Variants in SMURF2 observed in about 807,000 individuals in gnomAD.
The protein encoded by SMURF2 is E3 ubiquitin-protein ligase SMURF2.
A neutral mutation model predicts 109.6 loss-of-function variants in SMURF2; 48 were observed. The observed-to-expected ratio is 0.44, with a 90% CI of 0.35 to 0.56. The LOEUF (loss-of-function observed/expected upper bound fraction) is 0.56, where lower values mean the gene tolerates loss of function less well. Among genes scored for constraint, SMURF2 ranks in the 20% least tolerant of loss-of-function variants. The pLI, the probability that SMURF2 is intolerant of heterozygous loss-of-function variation, is 0.01. For synonymous variants in SMURF2, 288 were observed against 317.1 expected (o/e 0.91, Z 0.97); for missense variants, 575 against 909.0 (o/e 0.63, Z 4.72).
chr17:64,602,650 C>T (rs1383873296), intron 2 of SMURF2, among the ~76,000 whole-genome samples: 1 of 152,168 alleles, frequency 6.6e-6, no homozygotes, highest in African/African-American at 2.4e-5. Flanking sequence ...ATTTCTCAGC[C>T]AGGCACAGTG....
At chr17:64,646,912 T>G (rs1598314611) in intron 1 of SMURF2, among the ~76,000 whole-genome samples, 1 of 152,182 alleles carries the variant, frequency 6.6e-6, no homozygotes, top group Non-Finnish European at 1.5e-5. Flanking sequence ...AAGTGGAAGG[T>G]AGAAAATATG....
Position 64,651,198 on chromosome 17 carries a change from A to AAT in SMURF2, c.52+10629_52+10630dup, listed in dbSNP as rs570098301. 2.7e-5 allele frequency among the ~76,000 whole-genome samples: 4 copies of AAT among 145,998 alleles called. No individual in the cohort carries two copies. The East Asian group carries it at 8.3e-4, about 30-fold the overall frequency. On this transcript the variant is annotated intron_variant, in intron 1 of 18. Transcript: ENST00000262435. ...GGCGACATAGCAAGGCTGTCTCAGA[A>AAT]ATATATATATTTTTGTGTATATATA...
Position 64,562,851 on chromosome 17 carries a change from T to C in SMURF2, c.1132A>G (p.Ile378Val). Residue 378 changes from isoleucine (I) to valine (V), a missense_variant, in exon 11 of 19, where the codon ATT becomes GTT. Transcript: ENST00000262435. Reference sequence around the variant, plus strand: ...TGTTGGGAAAGTTCTTGCCGCAAAATTTTTAGTTTCTGAACCAGGTCTCGC... The same window carrying C: ...TGTTGGGAAAGTTCTTGCCGCAAAACTTTTAGTTTCTGAACCAGGTCTCGC... ...YKRDLVQKLKILRQELSQQQP... is the reference protein window; with the variant it reads ...YKRDLVQKLKVLRQELSQQQP... The C allele has an allele frequency of 6.2e-7, 1 of 1,614,128 alleles. No homozygotes were observed. Among genetic ancestry groups the C allele is most frequent in the East Asian group, 2.2e-5 (1 of 44,886 alleles).
intron 1 of SMURF2, among the ~76,000 whole-genome samples, chr17:64,636,133 T>C (rs1970413090): frequency 6.6e-6 from 1 of 152,188 alleles, no homozygotes; most frequent in African/African-American, 2.4e-5. Flanking sequence ...GAACTGTCTA[T>C]TCAAACCCTT....
rs1968916208 is a variant in SMURF2, at chr17:64,544,427, C to T, written c.*1421G>A. The T allele has an allele frequency of 7.0e-6, 1 of 141,894 alleles. No homozygotes were observed. Among genetic ancestry groups the T allele is most frequent in the African/African-American group, 3.1e-5 (1 of 32,122 alleles). The allele number at this position is 141,894 out of a possible 1,614,324, so 8.8% of individuals were successfully genotyped here. On this transcript the variant is annotated 3_prime_UTR_variant, in exon 19 of 19. Transcript: ENST00000262435. ...GCAGCTTAATTATCATGAAAATTTG[C>T]TTATTTCACATCAATGTAAAAAAAA...
rs1337240145 is a variant in SMURF2 at position 64,662,114 on chromosome 17, G to C, written c.-234C>G. 2 of 1,049,366 alleles carry C rather than the reference G, an allele frequency of 1.9e-6. No individual in the cohort carries two copies. The highest frequency in any genetic ancestry group is 1.7e-5 in the African/African-American group (1 of 58,124). 65.0% of individuals were successfully genotyped at this position (1,049,366 alleles called of 1,614,324 possible). A position where few individuals can be genotyped will look rare whatever the true frequency, so the allele number is the denominator to read the frequency against. On this transcript the variant is annotated 5_prime_UTR_variant, in exon 1 of 19. Transcript: ENST00000262435. ...CTCGGCCCGGGCCGCACAACAAAGC[G>C]GCAGCCGCGGCCGCCCGCGCCGCCT...
At chr17:64,623,926 G>T (rs1328889951) in intron 1 of SMURF2, among the ~76,000 whole-genome samples, 2 of 152,150 alleles carry the variant, frequency 1.3e-5, no homozygotes, top group African/African-American at 4.8e-5. Context: ...AAGTTGTCTT[G>T]TCTATACATA....
intron 1 of SMURF2, among the ~76,000 whole-genome samples, chr17:64,639,946 T>C (rs1970472747): frequency 6.6e-6 from 1 of 152,208 alleles, no homozygotes; most frequent in South Asian, 2.1e-4. Flanking sequence ...TTTTAGTTAA[T>C]AAAAGTGTAC....
chr17:64,649,572 T>TG (rs1970608114), intron 1 of SMURF2, among the ~76,000 whole-genome samples: 1 of 152,218 alleles, frequency 6.6e-6, no homozygotes, highest in Non-Finnish European at 1.5e-5. Flanking sequence ...CCGGGTGCAG[T>TG]GGCTCATGCC....
At chr17:64,614,103 T>A (rs1048529185) in intron 1 of SMURF2, among the ~76,000 whole-genome samples, 1 of 152,126 alleles carries the variant, frequency 6.6e-6, no homozygotes, top group African/African-American at 2.4e-5. Context: ...TGGGAAGTGG[T>A]TGTAAATACA....
intron 13 of SMURF2, among the ~76,000 whole-genome samples, chr17:64,556,260 C>A (rs1316111873): frequency 6.6e-6 from 1 of 152,080 alleles, no homozygotes; most frequent in Non-Finnish European, 1.5e-5. Context: ...TAAGTCCAAA[C>A]TATGGTCCCG....
At chr17:64,636,601 T>TC (rs1970419319) in intron 1 of SMURF2, among the ~76,000 whole-genome samples, 1 of 51,564 alleles carries the variant, frequency 1.9e-5, no homozygotes, top group Non-Finnish European at 3.1e-5. Flanking sequence ...AGACTCTGCC[T>TC]CAAAAAAAAA....
chr17:64,661,466 G>A (rs1448062381), intron 1 of SMURF2, among the ~76,000 whole-genome samples: 4 of 152,072 alleles, frequency 2.6e-5, no homozygotes, highest in African/African-American at 7.2e-5. Flanking sequence ...CGCCACGGGA[G>A]CTCTTCATCC....
At chr17:64,546,917 G>T (rs1052231614) in intron 17 of SMURF2, among the ~76,000 whole-genome samples, 1 of 152,252 alleles carries the variant, frequency 6.6e-6, no homozygotes, top group Non-Finnish European at 1.5e-5. Flanking sequence ...TTCAGCGCAT[G>T]CGCTGTGGGC....
At chr17:64,655,731 A>T (rs574476298) in intron 1 of SMURF2, among the ~76,000 whole-genome samples, 1 of 152,156 alleles carries the variant, frequency 6.6e-6, no homozygotes, top group South Asian at 2.1e-4. Flanking sequence ...CACCCAAAAA[A>T]AATACAAAAA....
At chr17:64,631,314 G>C (rs910680329) in intron 1 of SMURF2, among the ~76,000 whole-genome samples, 82 of 126,716 alleles carry the variant, frequency 6.5e-4, no homozygotes, top group African/African-American at 2.3e-3. Context: ...GAGAGAGAGA[G>C]AGAGAGAGAG....
chr17:64,566,031 T>C (rs1044959364), intron 10 of SMURF2, among the ~76,000 whole-genome samples: 39 of 152,126 alleles, frequency 2.6e-4, no homozygotes, highest in African/African-American at 9.4e-4. Context: ...ATAATAGATG[T>C]ACCAAATAAG....
chr17:64,661,957 G>A lies in SMURF2; in HGVS notation c.-77C>T. On this transcript the variant is annotated 5_prime_UTR_variant, in exon 1 of 19. Coordinates refer to ENST00000262435, the MANE Select transcript of SMURF2 (RefSeq NM_022739.4). ...GAGGCGCGGCGGAGTCACCACAGCG[G>A]CCGGGGCTGGGGCCCGAGCAGCCGG... 7 of 1,133,894 alleles carry A rather than the reference G, an allele frequency of 6.2e-6. No individual in the cohort carries two copies. The highest frequency in any genetic ancestry group is 7.6e-6 in the Non-Finnish European group (7 of 925,686). 70.2% of individuals were successfully genotyped at this position (1,133,894 alleles called of 1,614,324 possible).
intron 3 of SMURF2, among the ~76,000 whole-genome samples, chr17:64,594,785 G>A (rs781914928): frequency 2.0e-5 from 3 of 152,036 alleles, no homozygotes; most frequent in Non-Finnish European, 4.4e-5. Context: ...ACAGGAGTTC[G>A]AGACCAGCCT....
Sources: allele counts gnomAD v4.1 joint callset (sites outside exome capture counted in the v4.1 genomes callset), GRCh38; gene constraint gnomAD v4.1.1; transcripts MANE v1.5; gene names NCBI Gene and HGNC (gene_info 2026-07-23, HGNC 2026-07-21).